BRAF: variants seen among roughly 807,000 people sequenced by gnomAD.
BRAF encodes the protein B-Raf proto-oncogene, serine/threonine kinase.
BRAF carries 16 observed loss-of-function variants against 104.6 expected under a neutral mutation model. That is an observed-to-expected ratio of 0.15 (90% CI 0.10 to 0.23). BRAF has a LOEUF of 0.23. Ranked by LOEUF, BRAF falls within the 10% of genes least tolerant of loss-of-function variation. The pLI is 1.00. For missense variants in BRAF, 541 were observed against 937.3 expected, an observed-to-expected ratio of 0.58 and a Z score of 5.52; for synonymous variants, 310 against 341.6, an observed-to-expected ratio of 0.91 and a Z score of 1.02.
In BRAF at chr7:140,907,696, T is replaced by TC. The variant is rs559856780; in HGVS notation, c.138+16869dup. The stretch of plus-strand genomic sequence containing the variant: ...CCAAATTCCTGGCCTCAAGTGACCC[T>TC]CCCACCTCAGTCTCCCAAAGTATTG... On this transcript the variant is annotated intron_variant, in intron 1 of 19. Coordinates refer to ENST00000644969, the MANE Select transcript of BRAF (RefSeq NM_001374258.1). 1.1e-4 allele frequency among the ~76,000 whole-genome samples: 16 copies of TC among 151,022 alleles called. No individual in the cohort carries two copies. The East Asian group carries it at 3.1e-3, about 29-fold the overall frequency.
chr7:140,813,782 A>G (rs1285515992), intron 3 of BRAF, among the ~76,000 whole-genome samples: 1 of 152,180 alleles, frequency 6.6e-6, no homozygotes, highest in Non-Finnish European at 1.5e-5. Flanking sequence ...TATCTTATGT[A>G]TGAAGAGTGG....
intron 1 of BRAF, among the ~76,000 whole-genome samples, chr7:140,858,726 TAAATGA>T (rs1810076079): frequency 6.6e-6 from 1 of 152,188 alleles, no homozygotes; most frequent in Non-Finnish European, 1.5e-5. Flanking sequence ...ATATTTTGGT[TAAATGA>T]AATAATTTCC....
At chr7:140,886,036 TTTA>T (rs1432143863) in intron 1 of BRAF, among the ~76,000 whole-genome samples, 24 of 152,282 alleles carry the variant, frequency 1.6e-4, no homozygotes, top group Middle Eastern at 3.4e-3. Flanking sequence ...GAGTTTGGAT[TTTA>T]TTTTAGAGAC....
intron 19 of BRAF, chr7:140,731,178 G>C (rs1180496558): frequency 6.6e-6 from 1 of 152,078 alleles, no homozygotes; most frequent in Non-Finnish European, 1.5e-5. Flanking sequence ...ACTATGCTTG[G>C]CTAATTTTTA....
Position 140,725,140 on chromosome 7 carries a change from G to C in BRAF, c.*1354C>G. Reference sequence around the variant, plus strand: ...TTGGGAAAAAAGGAAGAAGGAGAATGAATGGAGACGCCACCATTTTTATTT... The same window carrying C: ...TTGGGAAAAAAGGAAGAAGGAGAATCAATGGAGACGCCACCATTTTTATTT... On this transcript the variant is annotated 3_prime_UTR_variant, in exon 20 of 20. Coordinates refer to ENST00000644969, the MANE Select transcript of BRAF (RefSeq NM_001374258.1). 9.6e-7 allele frequency: 1 copy of C among 1,042,526 alleles called. No individual in the cohort carries two copies. Among genetic ancestry groups the C allele is most frequent in the Non-Finnish European group, 1.2e-6 (1 of 864,858 alleles). 64.6% of individuals were successfully genotyped at this position (1,042,526 alleles called of 1,614,324 possible). A position where few individuals can be genotyped will look rare whatever the true frequency, so the allele number is the denominator to read the frequency against.
chr7:140,815,710 ACAGGTGTGAGC>A (rs1267536964), intron 3 of BRAF, among the ~76,000 whole-genome samples: 1 of 152,136 alleles, frequency 6.6e-6, no homozygotes, highest in African/African-American at 2.4e-5. Flanking sequence ...TGCTGGGATT[ACAGGTGTGAGC>A]CACTGCAACT....
intron 14 of BRAF, among the ~76,000 whole-genome samples, chr7:140,763,240 A>AC (rs1294685473): frequency 1.4e-5 from 2 of 147,266 alleles, no homozygotes; most frequent in East Asian, 2.0e-4. Context: ...CGGGGGGCTG[A>AC]CCCCCCAACC....
chr7:140,738,052 T>G (rs559385630), intron 18 of BRAF, among the ~76,000 whole-genome samples: 1 of 152,112 alleles, frequency 6.6e-6, no homozygotes, highest in Non-Finnish European at 1.5e-5. Flanking sequence ...TGGGACAGGG[T>G]CATGCTGAAG....
chr7:140,886,651 C>T (rs1813595158), intron 1 of BRAF, among the ~76,000 whole-genome samples: 1 of 152,192 alleles, frequency 6.6e-6, no homozygotes, highest in Admixed American at 6.5e-5. Flanking sequence ...CTCACTTTCT[C>T]AAAGAAGTCT....
chr7:140,847,452 G>A (rs531094144), intron 2 of BRAF, among the ~76,000 whole-genome samples: 5 of 152,066 alleles, frequency 3.3e-5, no homozygotes, highest in South Asian at 4.1e-4. Context: ...GTATGGTGGT[G>A]CATGCCTGTA....
chr7:140,836,744 T>G (rs7806060), intron 2 of BRAF, among the ~76,000 whole-genome samples: 14,288 of 152,178 alleles, frequency 0.094, 2,149 homozygotes, highest in African/African-American at 0.32. Context: ...AAATATATAC[T>G]GATACATGTG....
chr7:140,759,721 C>T (rs948090716), intron 14 of BRAF, among the ~76,000 whole-genome samples: 1 of 152,248 alleles, frequency 6.6e-6, no homozygotes. Flanking sequence ...TGTCCAACCA[C>T]GAAACACCAA....
At chr7:140,794,521 A>C in intron 7 of BRAF, 54 bp from the exon 8 acceptor site, 1 of 1,563,506 alleles carries the variant, frequency 6.4e-7, no homozygotes, top group Non-Finnish European at 8.8e-7. Flanking sequence ...TATAAAGGTA[A>C]TAATATTTAA....
At chr7:140,884,838 A>G (rs1207304074) in intron 1 of BRAF, among the ~76,000 whole-genome samples, 3 of 151,942 alleles carry the variant, frequency 2.0e-5, no homozygotes, top group Admixed American at 6.6e-5. Flanking sequence ...TAAAAATTAT[A>G]ACCAAGAAAT....
chr7:140,720,618 A>C lies in BRAF; in HGVS notation c.*5876T>G. 3 of 1,065,440 alleles carry C rather than the reference A, an allele frequency of 2.8e-6. No homozygotes were observed. Among genetic ancestry groups the C allele is most frequent in the Non-Finnish European group, 3.4e-6 (3 of 879,452 alleles). 66.0% of individuals were successfully genotyped at this position (1,065,440 alleles called of 1,614,324 possible). ...ATTTGATTTCAGGTAATTACAGTTT[A>C]TTTCCCACCCTCACATTAATTTTTC... On this transcript the variant is annotated 3_prime_UTR_variant, in exon 20 of 20. Coordinates refer to ENST00000644969, the MANE Select transcript of BRAF (RefSeq NM_001374258.1).
intron 1 of BRAF, among the ~76,000 whole-genome samples, chr7:140,866,229 A>G (rs182370627): frequency 7.2e-5 from 11 of 152,362 alleles, no homozygotes; most frequent in African/African-American, 2.6e-4. Context: ...TTTATGCACC[A>G]TAACAATATA....
At chr7:140,886,939 T>C (rs1029272695) in intron 1 of BRAF, among the ~76,000 whole-genome samples, 2 of 152,176 alleles carry the variant, frequency 1.3e-5, no homozygotes, top group African/African-American at 4.8e-5. Context: ...AATGTTTATG[T>C]TAACCAACAA....
At chr7:140,919,124 G>C (rs1586656643) in intron 1 of BRAF, among the ~76,000 whole-genome samples, 1 of 145,552 alleles carries the variant, frequency 6.9e-6, no homozygotes, top group Non-Finnish European at 1.5e-5. Flanking sequence ...TCCAGTCTGC[G>C]AGACAGAGCG....
Position 140,724,363 on chromosome 7 carries a change from C to A in BRAF, c.*2131G>T. ...GGAACACAGCCACATTTAAAAGCAT[C>A]TAGAGATATATTTAAAAAGAAAAAA... is the stretch of plus-strand genomic sequence containing the variant. On this transcript the variant is annotated 3_prime_UTR_variant, in exon 20 of 20. Coordinates refer to ENST00000644969, the MANE Select transcript of BRAF (RefSeq NM_001374258.1). The A allele has an allele frequency of 2.8e-6, 3 of 1,055,060 alleles. No individual in the cohort carries two copies. The highest frequency in any genetic ancestry group is 3.4e-6 in the Non-Finnish European group (3 of 872,902). 65.4% of individuals were successfully genotyped at this position (1,055,060 alleles called of 1,614,324 possible).
Sources: gnomAD v4.1 joint callset for allele counts (sites outside exome capture counted in the v4.1 genomes callset) on GRCh38, gnomAD v4.1.1 for gene constraint, MANE v1.5 for transcripts, NCBI Gene and HGNC (gene_info 2026-07-23, HGNC 2026-07-21) for gene names.